The following RRM1 variants were observed in gnomAD, a reference collection of about 807,000 sequenced individuals.
The protein encoded by RRM1 is ribonucleotide reductase catalytic subunit M1.
RRM1 carries 19 observed loss-of-function variants against 101.5 expected under a neutral mutation model. The observed-to-expected ratio is 0.19, with a 90% confidence interval of 0.13 to 0.27. The LOEUF (loss-of-function observed/expected upper bound fraction) is 0.27, where lower values mean the gene tolerates loss of function less well. Among genes scored for constraint, RRM1 ranks in the 10% least tolerant of loss-of-function variants. RRM1 has a pLI of 1.00. For missense variants in RRM1, 500 were observed against 962.9 expected (o/e 0.52, Z 6.36); for synonymous variants, 298 against 323.4 (o/e 0.92, Z 0.84).
At chr11:4,130,087 T>TATATATA (rs869309117) in intron 15 of RRM1, among the ~76,000 whole-genome samples, 100 of 61,622 alleles carry the variant, frequency 1.6e-3, no homozygotes, top group South Asian at 6.9e-3. Flanking sequence ...TATATATATA[T>TATATATA]TTTTTTTTTT....
At chr11:4,136,020 C>G (rs1017118416) in intron 18 of RRM1, among the ~76,000 whole-genome samples, 5 of 151,374 alleles carry the variant, frequency 3.3e-5, no homozygotes, top group Non-Finnish European at 7.4e-5. Flanking sequence ...TTGGGCAAAC[C>G]TGGAAGTCAT....
chr11:4,124,690 A>G (rs1254553239), intron 12 of RRM1, among the ~76,000 whole-genome samples: 2 of 151,998 alleles, frequency 1.3e-5, no homozygotes, highest in Non-Finnish European at 2.9e-5. Context: ...ACCCATGCAG[A>G]ATTCCTTTTT....
intron 4 of RRM1, among the ~76,000 whole-genome samples, chr11:4,108,660 T>TA (rs113047144): frequency 0.064 from 9,666 of 150,922 alleles, 389 homozygotes; most frequent in African/African-American, 0.12. Context: ...TATCTGATGT[T>TA]AAAGAGACTA....
chr11:4,124,765 C>A (rs2094586867), intron 12 of RRM1, among the ~76,000 whole-genome samples: 1 of 152,064 alleles, frequency 6.6e-6, no homozygotes, highest in African/African-American at 2.4e-5. Flanking sequence ...GCAACCTCAA[C>A]AGAGTTCTTT....
At chr11:4,103,035 T>C (rs1420897151) in intron 2 of RRM1, among the ~76,000 whole-genome samples, 2 of 152,214 alleles carry the variant, frequency 1.3e-5, no homozygotes, top group Non-Finnish European at 2.9e-5. Flanking sequence ...TATTTCCGTC[T>C]CCTTATTTAG....
Position 4,130,422 on chromosome 11 carries a change from A to G in RRM1, c.1769+1272A>G, listed in dbSNP as rs541436839. 9.2e-5 allele frequency among the ~76,000 whole-genome samples: 14 copies of G among 152,222 alleles called. No individual in the cohort carries two copies. In the East Asian group the frequency reaches 2.5e-3, roughly 27 times the overall value. On this transcript the variant is annotated intron_variant, in intron 15 of 18. Coordinates refer to ENST00000300738, the MANE Select transcript of RRM1 (RefSeq NM_001033.5). ...AAACTTGATGTATTCTGGGCTGGGC[A>G]CCATGACTCACGTCTGTAATCCCAG...
At chr11:4,108,327 G>C (rs562213064) in intron 4 of RRM1, among the ~76,000 whole-genome samples, 88 of 152,090 alleles carry the variant, frequency 5.8e-4, no homozygotes, top group Non-Finnish European at 1.0e-3. Flanking sequence ...GGCCGGGCGC[G>C]GTAGCTCACG....
intron 11 of RRM1, 135 bp from the exon 12 acceptor site, chr11:4,123,048 A>T (rs924655267): frequency 1.9e-5 from 14 of 723,494 alleles, no homozygotes; most frequent in African/African-American, 3.6e-5. Flanking sequence ...TAAATATCAT[A>T]TTCCTTTTTT....
intron 1 of RRM1, chr11:4,099,446 A>G (rs2133284164): frequency 6.6e-6 from 1 of 152,094 alleles, no homozygotes. Flanking sequence ...CCTGCTGGCT[A>G]GAGGATTTTA....
At chr11:4,112,900 A>T in intron 7 of RRM1, among the ~76,000 whole-genome samples, 1 of 152,144 alleles carries the variant, frequency 6.6e-6, no homozygotes, top group East Asian at 1.9e-4. Flanking sequence ...TCAGAAGTTC[A>T]AGGCTGCCGT....
Position 4,124,918 on chromosome 11 carries a change from T to TA in RRM1, c.1320+1534_1320+1535insA, listed in dbSNP as rs201439051. Among the ~76,000 whole-genome samples, 943 of 106,054 alleles carry TA rather than the reference T, an allele frequency of 8.9e-3. 6 individuals carry two copies. Among genetic ancestry groups the TA allele is most frequent in the Non-Finnish European group, 0.014 (587 of 41,558 alleles). The allele number at this position is 106,054 out of a possible 152,430, so 69.6% of individuals were successfully genotyped here. ...TATCTAATTGTAGTATTTATTTATT[T>TA]TATTTTTTTTTTTTTGAGACAGAGT... On this transcript the variant is annotated intron_variant, in intron 12 of 18. Coordinates refer to ENST00000300738, the MANE Select transcript of RRM1 (RefSeq NM_001033.5).
chr11:4,129,136 G>A lies in RRM1; in HGVS notation c.1755G>A (p.Lys585=). 1 of 1,599,790 alleles carries A rather than the reference G, an allele frequency of 6.3e-7. No individual in the cohort carries two copies. Among genetic ancestry groups the A allele is most frequent in the Non-Finnish European group, 8.6e-7 (1 of 1,168,980 alleles). Residue 585 remains lysine, a synonymous_variant, in exon 15 of 19, where the codon AAG becomes AAA. Transcript: ENST00000300738. ...PTDLWDWKVL[K]EKIAKYGIRN... The stretch of plus-strand genomic sequence containing the variant: ...ACCTATGGGACTGGAAGGTTCTCAA[G>A]GAGAAGATTGCAAAGTAAGTGAAAA...
At chr11:4,105,670 T>TCCCGAAAAA (rs1483549259) in intron 2 of RRM1, 4 of 417,480 alleles carry the variant, frequency 9.6e-6, no homozygotes, top group South Asian at 1.7e-5. Context: ...AGCCTCAGCT[T>TCCCGAAAAA]CCCGAGTAGC....
chr11:4,107,048 C>T (rs1590715110), intron 3 of RRM1, among the ~76,000 whole-genome samples: 1 of 152,044 alleles, frequency 6.6e-6, no homozygotes, highest in East Asian at 2.0e-4. Flanking sequence ...CTCCCATCAC[C>T]ACGCCCGGCT....
intron 7 of RRM1, among the ~76,000 whole-genome samples, chr11:4,113,084 G>A (rs547217802): frequency 6.6e-6 from 1 of 151,490 alleles, no homozygotes; most frequent in East Asian, 2.0e-4. Flanking sequence ...GCCATTTGTT[G>A]AGAAAAGGAA....
intron 5 of RRM1, 101 bp downstream of exon 5, chr11:4,109,804 T>G: frequency 1.1e-6 from 1 of 941,728 alleles, no homozygotes; most frequent in East Asian, 2.6e-5. Flanking sequence ...ATAAGTTGTT[T>G]GGAGTTGAGA....
chr11:4,133,483 G>A, intron 16 of RRM1, 80 bp from the exon 17 acceptor site: 2 of 827,676 alleles, frequency 2.4e-6, no homozygotes, highest in Non-Finnish European at 3.9e-6. Context: ...AGTGATTTTA[G>A]TTTAAGCTTC....
chr11:4,098,489 G>T (rs1482359149), intron 1 of RRM1, among the ~76,000 whole-genome samples: 1 of 150,530 alleles, frequency 6.6e-6, no homozygotes, highest in East Asian at 1.9e-4. Flanking sequence ...TGGATACCGT[G>T]CTGTTCACCG....
chr11:4,104,840 A>G (rs894376166), intron 2 of RRM1, among the ~76,000 whole-genome samples: 4 of 152,194 alleles, frequency 2.6e-5, no homozygotes, highest in Non-Finnish European at 5.9e-5. Context: ...CCTAATTTAT[A>G]CTTCTGTCTC....
Sources: allele counts gnomAD v4.1 joint callset (sites outside exome capture counted in the v4.1 genomes callset), GRCh38; gene constraint gnomAD v4.1.1; transcripts MANE v1.5; gene names NCBI Gene and HGNC (gene_info 2026-07-23, HGNC 2026-07-21).